Variants in PECAM1 observed in about 807,000 individuals in gnomAD.
The protein encoded by PECAM1 is platelet and endothelial cell adhesion molecule 1, also known as platelet endothelial cell adhesion molecule.
A neutral mutation model predicts 13.8 loss-of-function variants in PECAM1; 8 were observed. The observed-to-expected ratio is 0.58, with a 90% CI of 0.34 to 1.05. The LOEUF is 1.05. Ranked by LOEUF, PECAM1 falls within the 50% of genes least tolerant of loss-of-function variation. The pLI, the probability that PECAM1 is intolerant of heterozygous loss-of-function variation, is 0.03. For synonymous variants in PECAM1, 136 were observed against 52.6 expected, an observed-to-expected ratio of 2.58 and a Z score of -6.86; for missense variants, 304 against 141.2, an observed-to-expected ratio of 2.15 and a Z score of -5.84.
chr17:64,333,549 G>C (rs2035184809), intron 14 of PECAM1, among the ~76,000 whole-genome samples: 2 of 152,148 alleles, frequency 1.3e-5, no homozygotes, highest in East Asian at 3.9e-4. Context: ...TCTCTTCTCT[G>C]TTCACCACGC....
intron 2 of PECAM1, 96 bp downstream of exon 2, chr17:64,390,393 C>A (rs1256433946): frequency 4.7e-6 from 2 of 422,280 alleles, no homozygotes; most frequent in African/African-American, 4.1e-5. Flanking sequence ...TTAGAAGTAT[C>A]AAACCCCAGC....
In PECAM1 at chr17:64,322,034, G is replaced by A; in HGVS notation, c.*1782C>T. ...ACATTTTCGTGATACAACTCGGTGT[G>A]TGTGTGTTGGGGAAAGGAACCAACA... On this transcript the variant is annotated 3_prime_UTR_variant, in exon 16 of 16. Transcript: ENST00000563924. 1 of 1,180,726 alleles carries A rather than the reference G, an allele frequency of 8.5e-7. No homozygotes were observed. Among genetic ancestry groups the A allele is most frequent in the African/African-American group, 1.6e-5 (1 of 62,838 alleles). The allele number at this position is 1,180,726 out of a possible 1,614,324, so 73.1% of individuals were successfully genotyped here. A position where few individuals can be genotyped will look rare whatever the true frequency, so the allele number is the denominator to read the frequency against.
intron 14 of PECAM1, among the ~76,000 whole-genome samples, chr17:64,338,756 A>G (rs1343643749): frequency 1.3e-5 from 2 of 151,922 alleles, no homozygotes; most frequent in Non-Finnish European, 2.9e-5. Flanking sequence ...ACGGGGTTTC[A>G]CCATATTGGC....
At chr17:64,359,365 A>G (rs2035920975) in intron 7 of PECAM1, among the ~76,000 whole-genome samples, 2 of 152,260 alleles carry the variant, frequency 1.3e-5, no homozygotes, top group East Asian at 3.9e-4. Flanking sequence ...ACAATGGTAT[A>G]TTTCTCTTGA....
At chr17:64,328,881 G>A (rs558536444) in intron 15 of PECAM1, among the ~76,000 whole-genome samples, 14 of 152,306 alleles carry the variant, frequency 9.2e-5, no homozygotes, top group African/African-American at 2.4e-4. Context: ...AAAGTTGAAC[G>A]TGGGCCTCTG....
intron 15 of PECAM1, among the ~76,000 whole-genome samples, chr17:64,328,895 C>T (rs1424902016): frequency 6.6e-6 from 1 of 152,188 alleles, no homozygotes; most frequent in Non-Finnish European, 1.5e-5. Context: ...GCCTCTGTGT[C>T]TTTCATAAAC....
intron 5 of PECAM1, among the ~76,000 whole-genome samples, chr17:64,364,967 G>A (rs2036070081): frequency 1.3e-5 from 2 of 151,384 alleles, no homozygotes; most frequent in Non-Finnish European, 3.0e-5. Flanking sequence ...GGAAGTTCTG[G>A]CCAGGGCAAT....
At chr17:64,341,361 C>A (rs1404971166) in intron 14 of PECAM1, among the ~76,000 whole-genome samples, 1 of 152,166 alleles carries the variant, frequency 6.6e-6, no homozygotes, top group African/African-American at 2.4e-5. Context: ...TTGGGGAACC[C>A]CAGCCACCAG....
chr17:64,325,521 A>G (rs1166901899), intron 15 of PECAM1, among the ~76,000 whole-genome samples: 2 of 152,196 alleles, frequency 1.3e-5, no homozygotes, highest in Non-Finnish European at 2.9e-5. Context: ...GGATCCCCTG[A>G]GTTTAGGAGT....
chr17:64,370,439 A>T (rs1254641244), intron 4 of PECAM1: 1 of 155,558 alleles, frequency 6.4e-6, no homozygotes, highest in Non-Finnish European at 1.4e-5. Context: ...CAGCTCTGTG[A>T]AACGTGCTGC....
intron 13 of PECAM1, among the ~76,000 whole-genome samples, chr17:64,346,180 C>T (rs2035564428): frequency 6.6e-6 from 1 of 152,076 alleles, no homozygotes; most frequent in Non-Finnish European, 1.5e-5. Flanking sequence ...GCAATGATCC[C>T]AGGGAGCTTC....
At chr17:64,358,420 C>T (rs916680063) in intron 7 of PECAM1, among the ~76,000 whole-genome samples, 14 of 152,226 alleles carry the variant, frequency 9.2e-5, no homozygotes, top group Middle Eastern at 3.4e-3. Flanking sequence ...CACCTGGCTG[C>T]GCACAGTCTT....
intron 13 of PECAM1, among the ~76,000 whole-genome samples, chr17:64,342,703 T>C (rs1201308375): frequency 6.6e-6 from 1 of 152,114 alleles, no homozygotes; most frequent in Non-Finnish European, 1.5e-5. Flanking sequence ...GCATGATGAC[T>C]GACCCAGGGT....
intron 14 of PECAM1, among the ~76,000 whole-genome samples, chr17:64,335,364 C>T (rs2035250634): frequency 6.6e-6 from 1 of 151,868 alleles, no homozygotes; most frequent in Non-Finnish European, 1.5e-5. Context: ...GATCATGCCA[C>T]TGCACTCCAG....
At chr17:64,338,557 A>G (rs1439449256) in intron 14 of PECAM1, among the ~76,000 whole-genome samples, 1 of 127,584 alleles carries the variant, frequency 7.8e-6, no homozygotes, top group Non-Finnish European at 1.8e-5. Flanking sequence ...ATATATTTAT[A>G]TTTATTTTTA....
chr17:64,327,394 A>C (rs983171754), intron 15 of PECAM1, among the ~76,000 whole-genome samples: 1 of 152,234 alleles, frequency 6.6e-6, no homozygotes, highest in Non-Finnish European at 1.5e-5. Context: ...CTTTATAGAT[A>C]AGGAAGCTTG....
chr17:64,329,013 C>T lies in PECAM1; in HGVS notation c.2187+687G>A, dbSNP rs190727533. On this transcript the variant is annotated intron_variant, in intron 15 of 15. Transcript: ENST00000563924. ...TTTAAGCCCTGACTTATCTTTCTCC[C>T]GTCACTTGTCACTGTCACACTCTTC... Among the ~76,000 whole-genome samples, 110 of 152,100 alleles carry T rather than the reference C, an allele frequency of 7.2e-4. 1 individual carries two copies. The highest frequency in any genetic ancestry group is 6.4e-3 in the Admixed American group (98 of 15,268).
At chr17:64,340,680 G>T (rs961877197) in intron 14 of PECAM1, among the ~76,000 whole-genome samples, 3 of 152,072 alleles carry the variant, frequency 2.0e-5, no homozygotes, top group African/African-American at 7.2e-5. Context: ...GCTCAGCTCT[G>T]GGGGAAGCCC....
chr17:64,352,791 A>T (rs1234704691), intron 10 of PECAM1, among the ~76,000 whole-genome samples: 1 of 151,792 alleles, frequency 6.6e-6, no homozygotes, highest in Non-Finnish European at 1.5e-5. Context: ...AGTAGCTGGG[A>T]TTACAGGCAT....
Sources: gnomAD v4.1 joint callset for allele counts (sites outside exome capture counted in the v4.1 genomes callset) on GRCh38, gnomAD v4.1.1 for gene constraint, MANE v1.5 for transcripts, NCBI Gene and HGNC (gene_info 2026-07-23, HGNC 2026-07-21) for gene names.